PTPRT: variants seen among roughly 807,000 people sequenced by gnomAD.
PTPRT encodes receptor-type tyrosine-protein phosphatase T.
Under a neutral mutation model 176.8 loss-of-function variants are expected in PTPRT, and 56 were observed. That is an observed-to-expected ratio of 0.32 (90% CI 0.26 to 0.40). The LOEUF is 0.40. PTPRT is among the 10% of genes least tolerant of loss of function. PTPRT has a pLI of 1.00. For synonymous variants in PTPRT, 783 were observed against 739.0 expected, an observed-to-expected ratio of 1.06 and a Z score of -0.96; for missense variants, 1,540 against 1,908.2, an observed-to-expected ratio of 0.81 and a Z score of 3.60.
intron 1 of PTPRT, among the ~76,000 whole-genome samples, chr20:43,062,888 A>G (rs892906119): frequency 2.0e-5 from 3 of 152,186 alleles, no homozygotes; most frequent in Non-Finnish European, 4.4e-5. Context: ...TTTTCCTAAG[A>G]GTGTCTTTCT....
intron 9 of PTPRT, among the ~76,000 whole-genome samples, chr20:42,356,422 C>G (rs990919859): frequency 3.3e-5 from 5 of 152,166 alleles, no homozygotes; most frequent in African/African-American, 1.2e-4. Context: ...AGGCTGAGCA[C>G]AGTGGCTCGC....
chr20:42,300,518 G>C (rs2057449970), intron 12 of PTPRT, among the ~76,000 whole-genome samples: 1 of 151,990 alleles, frequency 6.6e-6, no homozygotes, highest in Non-Finnish European at 1.5e-5. Context: ...GAACCATCTT[G>C]AAGGGGCTCA....
intron 1 of PTPRT, among the ~76,000 whole-genome samples, chr20:43,105,756 A>G (rs2012579899): frequency 6.6e-6 from 1 of 152,156 alleles, no homozygotes; most frequent in Non-Finnish European, 1.5e-5. Flanking sequence ...TGCAGCCTCT[A>G]AGGAATGCCA....
At chr20:42,146,391 GAA>G (rs1988867373) in intron 17 of PTPRT, among the ~76,000 whole-genome samples, 1 of 151,958 alleles carries the variant, frequency 6.6e-6, no homozygotes, top group African/African-American at 2.4e-5. Flanking sequence ...CTAATTTTTT[GAA>G]AAAATAATTG....
chr20:42,808,845 G>T (rs2077652968), intron 2 of PTPRT, among the ~76,000 whole-genome samples: 1 of 152,148 alleles, frequency 6.6e-6, no homozygotes, highest in South Asian at 2.1e-4. Flanking sequence ...GTGACTGTTG[G>T]GTAGATGCTC....
chr20:43,008,034 G>A (rs1984938759), intron 1 of PTPRT, among the ~76,000 whole-genome samples: 1 of 152,210 alleles, frequency 6.6e-6, no homozygotes, highest in South Asian at 2.1e-4. Context: ...GCAGAATGCT[G>A]CAGGAGTGGC....
chr20:42,756,318 G>A, intron 6 of PTPRT, 144 bp downstream of exon 6: 1 of 839,766 alleles, frequency 1.2e-6, no homozygotes, highest in Non-Finnish European at 1.7e-6. Flanking sequence ...GGGAGTTTGT[G>A]TTGGGGAGGG....
chr20:42,991,696 A>T (rs1420730114), intron 1 of PTPRT, among the ~76,000 whole-genome samples: 1 of 152,224 alleles, frequency 6.6e-6, no homozygotes, highest in Non-Finnish European at 1.5e-5. Flanking sequence ...TACACTTAAA[A>T]ATGGTCAAAA....
At chr20:42,293,486 C>G (rs141417940) in intron 12 of PTPRT, among the ~76,000 whole-genome samples, 398 of 152,278 alleles carry the variant, frequency 2.6e-3, no homozygotes, top group Admixed American at 4.5e-3. Context: ...ATGTATTTAT[C>G]CTTTACTTGA....
At chr20:43,069,526 A>G (rs958270326) in intron 1 of PTPRT, among the ~76,000 whole-genome samples, 13 of 152,236 alleles carry the variant, frequency 8.5e-5, no homozygotes, top group African/African-American at 3.1e-4. Flanking sequence ...AACCCATTAT[A>G]TTTATTCATC....
chr20:42,633,803 ATATATATATATAT>A (rs1569037123), intron 7 of PTPRT, among the ~76,000 whole-genome samples: 1 of 95,492 alleles, frequency 1.0e-5, no homozygotes, highest in African/African-American at 4.8e-5. Context: ...ATATATATAT[ATATATATATATAT>A]ATAATAAAAT....
chr20:42,139,036 G>C (rs1271787402), intron 18 of PTPRT, among the ~76,000 whole-genome samples: 1 of 152,128 alleles, frequency 6.6e-6, no homozygotes, highest in Non-Finnish European at 1.5e-5. Flanking sequence ...CCTTTGGGAG[G>C]GACGCATACA....
intron 12 of PTPRT, among the ~76,000 whole-genome samples, chr20:42,305,362 T>C (rs890537388): frequency 1.3e-5 from 2 of 149,660 alleles, no homozygotes; most frequent in Non-Finnish European, 3.0e-5. Context: ...AAAAATAAAA[T>C]AAAAGTAAAA....
intron 2 of PTPRT, among the ~76,000 whole-genome samples, chr20:42,880,113 C>T (rs73907290): frequency 0.02 from 3,033 of 151,840 alleles, 60 homozygotes; most frequent in African/African-American, 0.05. Context: ...GGGGCAGGCC[C>T]GGGGGGGTTT....
chr20:42,833,450 G>C (rs1371942251), intron 2 of PTPRT, among the ~76,000 whole-genome samples: 2 of 151,856 alleles, frequency 1.3e-5, no homozygotes, highest in East Asian at 3.9e-4. Flanking sequence ...AGTGGGGCAT[G>C]TGCCTATAGT....
At chr20:42,682,212 T>C (rs1157801996) in intron 6 of PTPRT, among the ~76,000 whole-genome samples, 1 of 152,230 alleles carries the variant, frequency 6.6e-6, no homozygotes, top group Non-Finnish European at 1.5e-5. Context: ...ACTGGGGTTA[T>C]GTAAAACTCA....
chr20:42,447,502 G>T (rs1601041852), intron 9 of PTPRT, among the ~76,000 whole-genome samples: 1 of 151,992 alleles, frequency 6.6e-6, no homozygotes, highest in South Asian at 2.1e-4. Flanking sequence ...GGGGTGGGAG[G>T]AGACTCAACC....
chr20:42,348,775 T>C (rs1410581098), intron 11 of PTPRT, among the ~76,000 whole-genome samples: 1 of 152,188 alleles, frequency 6.6e-6, no homozygotes, highest in Non-Finnish European at 1.5e-5. Flanking sequence ...TGACAGCATG[T>C]AGGCCTGCTT....
Position 43,167,039 on chromosome 20 carries a change from T to A in PTPRT, c.88+22607A>T, listed in dbSNP as rs2014876499. Reference sequence around the variant, plus strand: ...CCTGGCATCTTGACATTCAACTTAGTCTAGCAGCCTAGCTCCAGCTAACCA... The same window carrying A: ...CCTGGCATCTTGACATTCAACTTAGACTAGCAGCCTAGCTCCAGCTAACCA... On this transcript the variant is annotated intron_variant, in intron 1 of 30. Transcript: ENST00000373187. Among the ~76,000 whole-genome samples, 3 of 152,276 alleles carry A rather than the reference T, an allele frequency of 2.0e-5. No individual in the cohort carries two copies. In the South Asian group the frequency reaches 6.2e-4, roughly 32 times the overall value.
Sources: allele counts gnomAD v4.1 joint callset (sites outside exome capture counted in the v4.1 genomes callset), GRCh38; gene constraint gnomAD v4.1.1; transcripts MANE v1.5; gene names NCBI Gene and HGNC (gene_info 2026-07-23, HGNC 2026-07-21).